The following DST variants were observed in gnomAD, a reference collection of about 807,000 sequenced individuals.
DST encodes dystonin.
DST carries 253 observed loss-of-function variants against 875.2 expected under a neutral mutation model. The ratio of observed to expected loss-of-function variants is 0.29; its 90% confidence interval spans 0.26 to 0.32. The LOEUF is 0.32. Among genes scored for constraint, DST ranks in the 10% least tolerant of loss-of-function variants. The pLI is 1.00. For synonymous variants in DST, 3,124 were observed against 3,197.1 expected (o/e 0.98, Z 0.77); for missense variants, 8,287 against 9,111.6 (o/e 0.91, Z 3.68).
chr6:56,904,855 T>C (rs1562351979), intron 2 of DST, among the ~76,000 whole-genome samples: 2 of 152,226 alleles, frequency 1.3e-5, no homozygotes, highest in Non-Finnish European at 2.9e-5. Context: ...AGTGGCGCAA[T>C]ATCGGCTCAC....
intron 4 of DST, among the ~76,000 whole-genome samples, chr6:56,805,493 A>C (rs2099752030): frequency 6.6e-6 from 1 of 152,234 alleles, no homozygotes; most frequent in Non-Finnish European, 1.5e-5. Flanking sequence ...AACAAACAAA[A>C]AAAAACACCT....
At chr6:56,923,298 C>T (rs1017576287) in intron 2 of DST, among the ~76,000 whole-genome samples, 5 of 151,486 alleles carry the variant, frequency 3.3e-5, no homozygotes, top group Non-Finnish European at 5.9e-5. Context: ...AAGGAAACTG[C>T]CTGAATATTA....
At chr6:56,715,436 G>A (rs1398008446) in intron 5 of DST, among the ~76,000 whole-genome samples, 2 of 152,180 alleles carry the variant, frequency 1.3e-5, no homozygotes, top group Non-Finnish European at 2.9e-5. Context: ...TTGGCATGCT[G>A]AGCACTTTGA....
In DST at chr6:56,950,820, G is replaced by A. The variant is rs150158997; in HGVS notation, c.216+2965C>T. ...TGAACATTTAGAAGACTACTAAAAA[G>A]CTAGTAAAGTTTGCAAGTATGTGAA... On this transcript the variant is annotated intron_variant, in intron 2 of 103. Coordinates refer to ENST00000680361, the MANE Select transcript of DST (RefSeq NM_001374736.1). Among the ~76,000 whole-genome samples the A allele has an allele frequency of 1.3e-3, 202 of 152,272 alleles. 1 individual carries two copies. The highest frequency in any genetic ancestry group is 4.7e-3 in the African/African-American group (197 of 41,564).
At chr6:56,888,495 T>C (rs1021799539) in intron 3 of DST, among the ~76,000 whole-genome samples, 5 of 152,210 alleles carry the variant, frequency 3.3e-5, no homozygotes, top group African/African-American at 9.6e-5. Flanking sequence ...GTATGAGTTG[T>C]ACAGTTATGC....
intron 80 of DST, among the ~76,000 whole-genome samples, chr6:56,498,967 G>A (rs1417840900): frequency 3.9e-5 from 6 of 152,048 alleles, no homozygotes; most frequent in African/African-American, 1.2e-4. Flanking sequence ...GGTTAATAAC[G>A]CTTAAATGCA....
At chr6:56,785,959 C>A (rs2099704537) in intron 4 of DST, 1 of 152,240 alleles carries the variant, frequency 6.6e-6, no homozygotes, top group Non-Finnish European at 1.5e-5. Context: ...CACTTATCAA[C>A]ATTATCACAT....
chr6:56,619,607 A>G (rs923322861), intron 36 of DST: 2 of 1,613,938 alleles, frequency 1.2e-6, no homozygotes, highest in Non-Finnish European at 1.7e-6. Flanking sequence ...TTCATGATTA[A>G]GAGATTCTAA....
At chr6:56,468,876 A>T in intron 98 of DST, 106 bp downstream of exon 98, 1 of 858,866 alleles carries the variant, frequency 1.2e-6, no homozygotes, top group Non-Finnish European at 1.8e-6. Context: ...TGTAGTAGCT[A>T]GGGAGACAGC....
chr6:56,683,794 T>C (rs1038769392), intron 9 of DST, among the ~76,000 whole-genome samples: 3 of 152,184 alleles, frequency 2.0e-5, no homozygotes, highest in Non-Finnish European at 4.4e-5. Context: ...TTTCCGATAA[T>C]AACAGAACGC....
At chr6:56,772,743 A>T (rs2099669688) in intron 4 of DST, among the ~76,000 whole-genome samples, 1 of 152,100 alleles carries the variant, frequency 6.6e-6, no homozygotes, top group Admixed American at 6.6e-5. Context: ...TGCCACAAAT[A>T]TTTTGGTCCT....
chr6:56,482,859 C>T lies in DST; in HGVS notation c.21226G>A (p.Gly7076Arg). The T allele has an allele frequency of 1.9e-6, 3 of 1,556,578 alleles. No individual in the cohort carries two copies. Among genetic ancestry groups the T allele is most frequent in the Non-Finnish European group, 2.6e-6 (3 of 1,151,134 alleles). Reference sequence around the variant, plus strand: ...GCCTGCACACTGCTGGTCCTCTTCCCCAACTCTTTTTGGAAGGCCTAAGAA... The same window carrying T: ...GCCTGCACACTGCTGGTCCTCTTCCTCAACTCTTTTTGGAAGGCCTAAGAA... ...DNHKAFQKEL[G>R]KRTSSVQALK... is the part of the protein sequence containing the mutation. The change falls in exon 89 of 104, where the codon GGG becomes AGG. Residue 7076 changes from glycine to arginine, a missense_variant. Gly to Arg is a moderately radical substitution (Grantham distance 125). Around this residue, in one of 10 missense-constraint regions of DST, gnomAD observed 1,292 missense variants for 1,552.7 expected, o/e 0.83. Coordinates refer to ENST00000680361, the MANE Select transcript of DST (RefSeq NM_001374736.1).
chr6:56,807,402 T>C (rs1343479379), intron 4 of DST, among the ~76,000 whole-genome samples: 3 of 152,174 alleles, frequency 2.0e-5, no homozygotes, highest in Admixed American at 1.3e-4. Context: ...GATAAACTGA[T>C]TTAAAAATTT....
intron 47 of DST, among the ~76,000 whole-genome samples, chr6:56,595,780 C>T (rs1415912708): frequency 7.0e-6 from 1 of 142,794 alleles, no homozygotes; most frequent in Non-Finnish European, 1.5e-5. Context: ...TCATATGCTA[C>T]CCCCACCCCA....
chr6:56,541,537 A>C (rs1330681221), intron 61 of DST: 1 of 153,660 alleles, frequency 6.5e-6, no homozygotes, highest in Admixed American at 6.5e-5. Context: ...GGGGATTCTG[A>C]CGTAAACAGT....
Position 56,640,418 on chromosome 6 carries a change from G to A in DST, c.2215C>T (p.Pro739Ser). 2 of 1,614,168 alleles carry A rather than the reference G, an allele frequency of 1.2e-6. No individual in the cohort carries two copies. Among genetic ancestry groups the A allele is most frequent in the Non-Finnish European group, 1.7e-6 (2 of 1,180,004 alleles). The change falls in exon 18 of 104, where the codon CCT (proline) becomes TCT (serine). Residue 739 changes from proline to serine, a missense_variant. Pro to Ser is a moderately conservative substitution (Grantham distance 74). This residue lies in a region of DST where 1,160 missense variants were observed against 1,424.3 expected (regional missense o/e 0.81). Transcript: ENST00000680361. ...LTSGLTQSLT[P>S]SLTSSSMTSG... ...GTCATACTAGAAGAGGTTAGGGAAG[G>A]TGTTAAACTCTGGGTCAGCCCTGAG...
intron 58 of DST, among the ~76,000 whole-genome samples, chr6:56,559,043 C>T (rs1188324432): frequency 6.6e-6 from 1 of 152,114 alleles, no homozygotes; most frequent in Non-Finnish European, 1.5e-5. Flanking sequence ...ATGGTGTGAT[C>T]ACTTGACTTG....
intron 88 of DST, 117 bp downstream of exon 88, chr6:56,485,195 G>T: frequency 8.7e-7 from 1 of 1,147,746 alleles, no homozygotes; most frequent in Non-Finnish European, 1.3e-6. Flanking sequence ...AATAAAGACT[G>T]TTATGTAGTA....
intron 12 of DST, among the ~76,000 whole-genome samples, chr6:56,649,763 C>A (rs147655692): frequency 4.3e-4 from 66 of 152,300 alleles, no homozygotes; most frequent in African/African-American, 1.6e-3. Context: ...TTGCATTTAA[C>A]TTTGCAAGGA....
Sources: gnomAD v4.1 joint callset for allele counts (sites outside exome capture counted in the v4.1 genomes callset) on GRCh38, gnomAD v4.1.1 for gene constraint, gnomAD v4.1.1 regional missense constraint, MANE v1.5 for transcripts, NCBI Gene and HGNC (gene_info 2026-07-23, HGNC 2026-07-21) for gene names.